RIMBP2: variants seen among roughly 807,000 people sequenced by gnomAD.
RIMBP2 encodes the protein RIMS binding protein 2, also known as RIMS-binding protein 2.
RIMBP2 carries 48 observed loss-of-function variants against 118.6 expected under a neutral mutation model. The ratio of observed to expected loss-of-function variants is 0.40; its 90% CI spans 0.32 to 0.51. The LOEUF (loss-of-function observed/expected upper bound fraction) is 0.51. RIMBP2 is among the 20% of genes least tolerant of loss of function. The probability of loss-of-function intolerance (pLI) is 0.41; values close to 1 mark genes in which losing one functional copy is unlikely to be tolerated. For synonymous variants in RIMBP2, 762 were observed against 742.9 expected, an observed-to-expected ratio of 1.03 and a Z score of -0.42; for missense variants, 1,551 against 1,768.3, an observed-to-expected ratio of 0.88 and a Z score of 2.20.
In RIMBP2 at chr12:130,623,042, A is replaced by C. The variant is rs1009274628; in HGVS notation, c.-217+5280T>G. Reference sequence around the variant, plus strand: ...GTATCAATGGTTTCTTATCTCAACAAATATTTGCCAAGCATCTGTAGTGTA... The same window carrying C: ...GTATCAATGGTTTCTTATCTCAACACATATTTGCCAAGCATCTGTAGTGTA... On this transcript the variant is annotated intron_variant, in intron 2 of 22. Transcript: ENST00000690449. The surrounding 1 kb of genome is among the most constrained non-coding windows in gnomAD (Gnocchi z 4.1). Among the ~76,000 whole-genome samples, 24 of 152,228 alleles carry C rather than the reference A, an allele frequency of 1.6e-4. No homozygotes were observed. The highest frequency in any genetic ancestry group is 5.1e-4 in the African/African-American group (21 of 41,462).
At chr12:130,580,589 A>T (rs1289463034) in intron 2 of RIMBP2, among the ~76,000 whole-genome samples, 1 of 152,192 alleles carries the variant, frequency 6.6e-6, no homozygotes, top group Non-Finnish European at 1.5e-5. Context: ...CATCGGCTTT[A>T]TTTGAAAATT....
chr12:130,692,885 G>GTAGGATAGGA (rs1432383486), intron 1 of RIMBP2, among the ~76,000 whole-genome samples: 1,042 of 90,982 alleles, frequency 0.011, 6 homozygotes, highest in South Asian at 0.034. Context: ...GTAGGGTAGG[G>GTAGGATAGGA]TAGGGTAGGA....
chr12:130,631,168 A>G (rs1252684304), intron 1 of RIMBP2, among the ~76,000 whole-genome samples: 2 of 152,222 alleles, frequency 1.3e-5, no homozygotes, highest in African/African-American at 4.8e-5. Context: ...ACGGGAGAAG[A>G]GTTTTTAATA....
rs1311809048 is a variant in RIMBP2 at position 130,623,065 on chromosome 12, G to A, written c.-217+5257C>T. ...CAAATATTTGCCAAGCATCTGTAGTGTACAAAATCAGGTTGCTGGGCTACT... is the reference window on the plus strand; with the variant it reads ...CAAATATTTGCCAAGCATCTGTAGTATACAAAATCAGGTTGCTGGGCTACT... On this transcript the variant is annotated intron_variant, in intron 2 of 22. Transcript: ENST00000690449. This position sits in a 1 kb window ranked among gnomAD's most constrained non-coding sequence, Gnocchi z 4.1. Among the ~76,000 whole-genome samples the A allele has an allele frequency of 6.6e-6, 1 of 152,190 alleles. No homozygotes were observed. The highest frequency in any genetic ancestry group is 1.5e-5 in the Non-Finnish European group (1 of 68,028).
chr12:130,489,829 A>G (rs1212954201), intron 4 of RIMBP2, among the ~76,000 whole-genome samples: 1 of 152,210 alleles, frequency 6.6e-6, no homozygotes, highest in East Asian at 1.9e-4. Flanking sequence ...CAAATTGATG[A>G]CACATTTCTA....
chr12:130,577,425 G>A (rs1349421482), intron 2 of RIMBP2, among the ~76,000 whole-genome samples: 1 of 152,146 alleles, frequency 6.6e-6, no homozygotes, highest in Non-Finnish European at 1.5e-5. Flanking sequence ...CATGGCTGGG[G>A]AGGCCTCAGG....
At chr12:130,399,013 T>C in intron 22 of RIMBP2, 1 of 493,946 alleles carries the variant, frequency 2.0e-6, no homozygotes. Flanking sequence ...TTGTATCTTT[T>C]TTTTTTTTTA....
At chr12:130,488,271 A>G (rs2082645871) in intron 4 of RIMBP2, among the ~76,000 whole-genome samples, 1 of 152,102 alleles carries the variant, frequency 6.6e-6, no homozygotes, top group Non-Finnish European at 1.5e-5. Context: ...ATAATAAAAC[A>G]TCTCTCGGAG....
At chr12:130,596,640 T>G (rs7303476) in intron 2 of RIMBP2, among the ~76,000 whole-genome samples, 1 of 152,026 alleles carries the variant, frequency 6.6e-6, no homozygotes, top group Admixed American at 6.5e-5. Flanking sequence ...AGTCACAGTG[T>G]GTAATGCGGT....
chr12:130,568,163 A>G (rs1465357563), intron 2 of RIMBP2, among the ~76,000 whole-genome samples: 3 of 152,174 alleles, frequency 2.0e-5, no homozygotes, highest in Non-Finnish European at 4.4e-5. Context: ...TAGGATGTAA[A>G]TTTATAGAAG....
intron 2 of RIMBP2, among the ~76,000 whole-genome samples, chr12:130,529,048 A>G (rs147123788): frequency 1.2e-4 from 19 of 152,318 alleles, no homozygotes; most frequent in African/African-American, 4.3e-4. Context: ...AAACAACCCA[A>G]GTGTCGATTG....
rs1272308156 is a variant in RIMBP2, at chr12:130,581,607, C to A, written c.-217+46715G>T. 6.6e-6 allele frequency among the ~76,000 whole-genome samples: 1 copy of A among 152,234 alleles called. No individual in the cohort carries two copies. Among genetic ancestry groups the A allele is most frequent in the Non-Finnish European group, 1.5e-5 (1 of 68,046 alleles). On this transcript the variant is annotated intron_variant, in intron 2 of 22. Coordinates refer to ENST00000690449, the MANE Select transcript of RIMBP2 (RefSeq NM_001393629.1). This position sits in a 1 kb window ranked among gnomAD's most constrained non-coding sequence, Gnocchi z 4.4. ...AGGCTCTCGCGGCTCAGGCCTCAGA[C>A]CTGTCGCCTTCCTTCCTCTGTTCTC... is the stretch of plus-strand genomic sequence containing the variant.
chr12:130,561,682 C>A (rs1313244003), intron 2 of RIMBP2, among the ~76,000 whole-genome samples: 1 of 152,148 alleles, frequency 6.6e-6, no homozygotes, highest in Non-Finnish European at 1.5e-5. Context: ...AAAGGCATCT[C>A]AACTCCCATT....
At chr12:130,433,753 T>C (rs1387203598) in intron 14 of RIMBP2, among the ~76,000 whole-genome samples, 1 of 152,182 alleles carries the variant, frequency 6.6e-6, no homozygotes, top group Non-Finnish European at 1.5e-5. Flanking sequence ...ATTGGAGCTA[T>C]GGCAGCCACT....
At chr12:130,478,797 G>A in intron 5 of RIMBP2, 115 bp downstream of exon 5, 1 of 691,912 alleles carries the variant, frequency 1.4e-6, no homozygotes, top group South Asian at 1.8e-5. Context: ...CAAGCAGAGA[G>A]AGGGAGCGGC....
At chr12:130,637,858 G>T (rs535139330) in intron 1 of RIMBP2, among the ~76,000 whole-genome samples, 5 of 152,168 alleles carry the variant, frequency 3.3e-5, no homozygotes, top group African/African-American at 4.8e-5. Context: ...GGGTCCTGCC[G>T]GCTTTACTGA....
intron 7 of RIMBP2, among the ~76,000 whole-genome samples, chr12:130,455,905 C>T (rs572959427): frequency 3.3e-5 from 5 of 152,096 alleles, no homozygotes; most frequent in South Asian, 2.1e-4. Context: ...GCTCTGCCTG[C>T]GACCAAGACT....
intron 2 of RIMBP2, among the ~76,000 whole-genome samples, chr12:130,550,105 C>A (rs1011911044): frequency 6.6e-6 from 1 of 152,176 alleles, no homozygotes; most frequent in African/African-American, 2.4e-5. Flanking sequence ...AATTCAAGTA[C>A]TTCTGAAAAC....
intron 2 of RIMBP2, among the ~76,000 whole-genome samples, chr12:130,542,859 T>C (rs1223959393): frequency 6.6e-6 from 1 of 152,214 alleles, no homozygotes; most frequent in Non-Finnish European, 1.5e-5. Context: ...ATGAGGATGC[T>C]TTAAAAAATA....
Sources: gnomAD v4.1 joint callset for allele counts (sites outside exome capture counted in the v4.1 genomes callset) on GRCh38, gnomAD v4.1.1 for gene constraint, Gnocchi (gnomAD v3.1) non-coding constraint, MANE v1.5 for transcripts, NCBI Gene and HGNC (gene_info 2026-07-23, HGNC 2026-07-21) for gene names.